Variants in GRID2 observed in about 807,000 individuals in gnomAD.
The protein encoded by GRID2 is glutamate ionotropic receptor delta type subunit 2.
A neutral mutation model predicts 114.8 loss-of-function variants in GRID2; 33 were observed. The observed-to-expected ratio is 0.29, with a 90% CI of 0.22 to 0.38. GRID2 has a LOEUF of 0.38. Ranked by LOEUF, GRID2 falls within the 10% of genes least tolerant of loss-of-function variation. The pLI, the probability that GRID2 is intolerant of heterozygous loss-of-function variation, is 1.00. For synonymous variants in GRID2, 505 were observed against 449.9 expected (o/e 1.12, Z -1.55); for missense variants, 1,184 against 1,257.7 (o/e 0.94, Z 0.89).
chr4:92,339,034 C>A (rs1041079010), intron 1 of GRID2, among the ~76,000 whole-genome samples: 1 of 151,942 alleles, frequency 6.6e-6, no homozygotes, highest in Non-Finnish European at 1.5e-5. Context: ...AATTACTTCC[C>A]ATTGCCATAG....
At chr4:93,127,758 A>T (rs540844645) in intron 4 of GRID2, among the ~76,000 whole-genome samples, 1 of 152,010 alleles carries the variant, frequency 6.6e-6, no homozygotes, top group East Asian at 1.9e-4. Flanking sequence ...AGTTCTTGGG[A>T]GGCTGAGGCA....
rs576372773 is a variant in GRID2, at chr4:93,175,590, CA to C, written c.736-31809del. ...TTTTTCAAAGATATGCATCCAATACCAAAAATTTTGGTCAAGGGATTTATAA... is the reference window on the plus strand; with the variant it reads ...TTTTTCAAAGATATGCATCCAATACCAAAATTTTGGTCAAGGGATTTATAA... On this transcript the variant is annotated intron_variant, in intron 4 of 15. Coordinates refer to ENST00000282020, the MANE Select transcript of GRID2 (RefSeq NM_001510.4). Among the ~76,000 whole-genome samples, 5 of 152,054 alleles carry C rather than the reference CA, an allele frequency of 3.3e-5. No individual in the cohort carries two copies. The East Asian group carries it at 7.7e-4, about 24-fold the overall frequency.
chr4:93,363,380 T>C (rs560571619), intron 8 of GRID2, among the ~76,000 whole-genome samples: 18 of 152,238 alleles, frequency 1.2e-4, no homozygotes, highest in Non-Finnish European at 2.2e-4. Context: ...CAGCCCTCGA[T>C]GTGGTTAAGA....
At chr4:92,439,548 G>C (rs537817450) in intron 1 of GRID2, among the ~76,000 whole-genome samples, 1 of 151,760 alleles carries the variant, frequency 6.6e-6, no homozygotes, top group East Asian at 1.9e-4. Flanking sequence ...GGCGGCGTGG[G>C]AACCTAGAGT....
intron 2 of GRID2, among the ~76,000 whole-genome samples, chr4:92,915,204 T>C (rs1464637885): frequency 6.6e-6 from 1 of 152,172 alleles, no homozygotes; most frequent in Non-Finnish European, 1.5e-5. Flanking sequence ...GCCCCCATTA[T>C]TCAGTTATCT....
chr4:92,405,058 G>T (rs1220218237), intron 1 of GRID2, among the ~76,000 whole-genome samples: 2 of 152,106 alleles, frequency 1.3e-5, no homozygotes, highest in African/African-American at 2.4e-5. Flanking sequence ...AAATAAAGTT[G>T]ATTCTAAGCA....
intron 5 of GRID2, among the ~76,000 whole-genome samples, chr4:93,211,263 T>A (rs2149475251): frequency 6.6e-6 from 1 of 152,256 alleles, no homozygotes; most frequent in East Asian, 1.9e-4. Flanking sequence ...GGCATCTTCA[T>A]ATTGTATAGG....
intron 2 of GRID2, among the ~76,000 whole-genome samples, chr4:92,979,378 G>T (rs1429926930): frequency 1.3e-5 from 2 of 151,752 alleles, no homozygotes; most frequent in Non-Finnish European, 2.9e-5. Flanking sequence ...GGATAGTACT[G>T]TTCTATACTT....
At chr4:92,825,573 A>G (rs1560617589) in intron 2 of GRID2, among the ~76,000 whole-genome samples, 1 of 152,130 alleles carries the variant, frequency 6.6e-6, no homozygotes, top group Non-Finnish European at 1.5e-5. Context: ...GCTATGTGAC[A>G]TGACACATAG....
chr4:93,454,323 T>C (rs1722988363), intron 10 of GRID2, among the ~76,000 whole-genome samples: 1 of 152,044 alleles, frequency 6.6e-6, no homozygotes, highest in South Asian at 2.1e-4. Flanking sequence ...AGCTGCAATA[T>C]GGTAAAATGA....
At chr4:92,761,961 G>C (rs1363099751) in intron 2 of GRID2, among the ~76,000 whole-genome samples, 1 of 151,964 alleles carries the variant, frequency 6.6e-6, no homozygotes, top group African/African-American at 2.4e-5. Flanking sequence ...AGAGAGTCTC[G>C]CTCTGTCTCC....
At chr4:92,464,880 G>A (rs1421799962) in intron 1 of GRID2, among the ~76,000 whole-genome samples, 1 of 152,124 alleles carries the variant, frequency 6.6e-6, no homozygotes, top group African/African-American at 2.4e-5. Flanking sequence ...AGGACCTGGT[G>A]GGAGGTGATT....
intron 2 of GRID2, among the ~76,000 whole-genome samples, chr4:93,005,849 A>G (rs1721461693): frequency 6.6e-6 from 1 of 152,098 alleles, no homozygotes; most frequent in African/African-American, 2.4e-5. Flanking sequence ...GGTTAAATCC[A>G]TAGATACAGA....
At chr4:92,709,030 T>C (rs553581425) in intron 2 of GRID2, among the ~76,000 whole-genome samples, 2 of 152,212 alleles carry the variant, frequency 1.3e-5, no homozygotes, top group African/African-American at 4.8e-5. Context: ...AGGCTGAGAG[T>C]TGGTGGATCA....
intron 14 of GRID2, among the ~76,000 whole-genome samples, chr4:93,767,779 C>T (rs1343571743): frequency 1.3e-5 from 2 of 152,188 alleles, no homozygotes; most frequent in Non-Finnish European, 2.9e-5. Flanking sequence ...CAACTCCATT[C>T]TCTGAACTCT....
chr4:92,886,853 C>A (rs923418990), intron 2 of GRID2, among the ~76,000 whole-genome samples: 9 of 152,206 alleles, frequency 5.9e-5, no homozygotes, highest in African/African-American at 2.2e-4. Context: ...CCTTGAAAAC[C>A]TGACCTCGTG....
intron 2 of GRID2, among the ~76,000 whole-genome samples, chr4:92,912,417 A>G (rs1012520116): frequency 1.3e-5 from 2 of 151,888 alleles, no homozygotes; most frequent in Non-Finnish European, 2.9e-5. Flanking sequence ...CACTATTTGT[A>G]AAATGTATTT....
Position 93,455,879 on chromosome 4 carries a change from A to G in GRID2, c.1763A>G (p.Asn588Ser). Reference sequence around the variant, plus strand: ...GTGGGTCTACTGGTCTACCTCTTGAACTGGCTTAATCCCCCACGATTACAA... The same window carrying G: ...GTGGGTCTACTGGTCTACCTCTTGAGCTGGCTTAATCCCCCACGATTACAA... The part of the protein sequence containing the change: ...LLVGLLVYLL[N>S]WLNPPRLQMG... Residue 588 changes from asparagine to serine, a missense_variant, in exon 11 of 16, where the codon AAC (asparagine) becomes AGC (serine). Around this residue, in one of 3 missense-constraint regions of GRID2, gnomAD observed 717 missense variants for 796.9 expected, o/e 0.90. Transcript: ENST00000282020. The G allele has an allele frequency of 6.2e-7, 1 of 1,610,782 alleles. No homozygotes were observed. Among genetic ancestry groups the G allele is most frequent in the Non-Finnish European group, 8.5e-7 (1 of 1,177,020 alleles).
chr4:93,474,153 A>G (rs1043946197), intron 11 of GRID2, among the ~76,000 whole-genome samples: 1 of 152,132 alleles, frequency 6.6e-6, no homozygotes, highest in Non-Finnish European at 1.5e-5. Flanking sequence ...TGATTCAATT[A>G]AAAGTTTATA....
Sources: allele counts gnomAD v4.1 joint callset (sites outside exome capture counted in the v4.1 genomes callset), GRCh38; gene constraint gnomAD v4.1.1; regional missense constraint gnomAD v4.1.1; transcripts MANE v1.5; gene names NCBI Gene and HGNC (gene_info 2026-07-23, HGNC 2026-07-21).